Variants in SPIRE2 observed in about 807,000 individuals in gnomAD.
The protein encoded by SPIRE2 is protein spire homolog 2.
In SPIRE2, 76 loss-of-function variants were observed where a neutral mutation model predicts 80.7. The ratio of observed to expected loss-of-function variants is 0.94; its 90% CI spans 0.78 to 1.14. The LOEUF (loss-of-function observed/expected upper bound fraction) is 1.14, where lower values mean the gene tolerates loss of function less well. Among genes scored for constraint, SPIRE2 ranks in the 50% most tolerant of loss-of-function variants. The pLI, the probability that SPIRE2 is intolerant of heterozygous loss-of-function variation, is 0.00. For missense variants in SPIRE2, 1,196 were observed against 1,015.3 expected, an observed-to-expected ratio of 1.18 and a Z score of -2.42; for synonymous variants, 535 against 432.6, an observed-to-expected ratio of 1.24 and a Z score of -2.94.
chr16:89,837,944 T>C (rs1166143616), intron 1 of SPIRE2, among the ~76,000 whole-genome samples: 3 of 152,188 alleles, frequency 2.0e-5, no homozygotes, highest in African/African-American at 7.2e-5. Flanking sequence ...AAACACAGAC[T>C]CCTGGTTTCG....
At chr16:89,833,733 G>A (rs760596205) in intron 1 of SPIRE2, among the ~76,000 whole-genome samples, 25 of 152,352 alleles carry the variant, frequency 1.6e-4, no homozygotes, top group Non-Finnish European at 3.1e-4. Flanking sequence ...CTGTGCACTC[G>A]CTGGACCTGC....
chr16:89,848,842 T>C (rs1390087063), intron 2 of SPIRE2, among the ~76,000 whole-genome samples: 39 of 97,892 alleles, frequency 4.0e-4, no homozygotes, highest in South Asian at 1.1e-3. Flanking sequence ...TGCGGCTTTT[T>C]TGCAGGTCAG....
chr16:89,867,128 T>G (rs529427077), intron 12 of SPIRE2, among the ~76,000 whole-genome samples: 10 of 151,854 alleles, frequency 6.6e-5, no homozygotes, highest in Middle Eastern at 3.4e-3. Context: ...TTTTTTGTTT[T>G]TTGTTGTTGT....
intron 1 of SPIRE2, among the ~76,000 whole-genome samples, chr16:89,831,969 G>A (rs886452673): frequency 1.2e-4 from 17 of 139,174 alleles, no homozygotes; most frequent in African/African-American, 4.2e-4. Flanking sequence ...AGGCAGCACG[G>A]GGCACCGTGT....
intron 12 of SPIRE2, among the ~76,000 whole-genome samples, chr16:89,865,566 C>G (rs9939893): frequency 0.75 from 114,075 of 152,098 alleles, 44,249 homozygotes; most frequent in East Asian, 0.99. Context: ...GAGTCAAAAA[C>G]AAAACAAATA....
At chr16:89,857,575 CT>C (rs560910331) in intron 7 of SPIRE2, among the ~76,000 whole-genome samples, 246 of 144,284 alleles carry the variant, frequency 1.7e-3, no homozygotes, top group East Asian at 0.011. Context: ...TTTTCTTTTC[CT>C]TTTTTTTTTT....
intron 10 of SPIRE2, 62 bp downstream of exon 10, chr16:89,860,857 C>T (rs11641897): frequency 0.077 from 83,033 of 1,072,078 alleles, 3,900 homozygotes; most frequent in East Asian, 0.16. Flanking sequence ...CCCACCTTCC[C>T]GCCGCCAGCC....
rs1405607656 is a variant in SPIRE2 at position 89,869,415 on chromosome 16, G to A, written c.1807-152G>A. ...CAGTCTTCAGCCAAAAGGCACAGAG[G>A]AGACATCGGAGAGCACAGGGACAGA... On this transcript the variant is annotated intron_variant, in intron 13 of 14. Coordinates refer to ENST00000378247, the MANE Select transcript of SPIRE2 (RefSeq NM_032451.2). 6.6e-6 allele frequency: 4 copies of A among 610,472 alleles called. No homozygotes were observed. The African/African-American group carries it at 7.4e-5, about 11-fold the overall frequency. The allele number at this position is 610,472 out of a possible 1,614,324, so 37.8% of individuals were successfully genotyped here. A position where few individuals can be genotyped will look rare whatever the true frequency, so the allele number is the denominator to read the frequency against.
At chr16:89,865,965 CAAAAA>C (rs376787173) in intron 12 of SPIRE2, among the ~76,000 whole-genome samples, 1 of 57,516 alleles carries the variant, frequency 1.7e-5, no homozygotes, top group Non-Finnish European at 3.1e-5. Flanking sequence ...GAGACTGTCT[CAAAAA>C]AAAAAAAAAA....
At chr16:89,837,287 CGGAT>C (rs2041459575) in intron 1 of SPIRE2, among the ~76,000 whole-genome samples, 1 of 152,128 alleles carries the variant, frequency 6.6e-6, no homozygotes, top group Admixed American at 6.6e-5. Flanking sequence ...TCAGGGGACT[CGGAT>C]GGTGGTGAGG....
At chr16:89,838,030 G>A (rs2143784720) in intron 1 of SPIRE2, among the ~76,000 whole-genome samples, 1 of 151,002 alleles carries the variant, frequency 6.6e-6, no homozygotes, top group South Asian at 2.1e-4. Flanking sequence ...TTTTTTTTCT[G>A]AGACAAGTCT....
rs767386721 is a variant in SPIRE2 at position 89,856,172 on chromosome 16, C to G, written c.1038C>G (p.Ile346Met). ...AGCAAAGGTCCCTGCATGAGAAGATCCTGGAGGAGATCAAGCAGGAGCGGA... is the reference window on the plus strand; with the variant it reads ...AGCAAAGGTCCCTGCATGAGAAGATGCTGGAGGAGATCAAGCAGGAGCGGA... ...PPKQRSLHEK[I>M]LEEIKQERRL... Residue 346 changes from isoleucine to methionine, a missense_variant, in exon 7 of 15, where the codon ATC becomes ATG. Coordinates refer to ENST00000378247, the MANE Select transcript of SPIRE2 (RefSeq NM_032451.2). 4.3e-6 allele frequency: 7 copies of G among 1,609,876 alleles called. No homozygotes were observed. In the African/African-American group the frequency reaches 5.3e-5, roughly 12 times the overall value.
chr16:89,857,362 G>A (rs1018040178), intron 7 of SPIRE2, among the ~76,000 whole-genome samples: 29 of 151,500 alleles, frequency 1.9e-4, no homozygotes, highest in African/African-American at 6.6e-4. Context: ...TGTTGAACTC[G>A]TGGGCTCAAG....
intron 2 of SPIRE2, 200 bp from the exon 3 acceptor site, chr16:89,850,103 TG>T: frequency 1.4e-6 from 1 of 696,396 alleles, no homozygotes; most frequent in East Asian, 2.7e-5. Flanking sequence ...CCCAAAGTGC[TG>T]GGATTACAGG....
intron 8 of SPIRE2, 53 bp downstream of exon 8, chr16:89,858,560 C>T: frequency 6.8e-7 from 1 of 1,475,872 alleles, no homozygotes; most frequent in Non-Finnish European, 9.0e-7. Context: ...AGGATGGGGG[C>T]CAAGGAAGTG....
At chr16:89,830,831 C>G (rs2041372197) in intron 1 of SPIRE2, among the ~76,000 whole-genome samples, 1 of 150,340 alleles carries the variant, frequency 6.7e-6, no homozygotes, top group African/African-American at 2.4e-5. Flanking sequence ...TTCTCATTTC[C>G]AAGCCAAGAT....
chr16:89,833,143 C>T (rs1319684502), intron 1 of SPIRE2, among the ~76,000 whole-genome samples: 1 of 151,896 alleles, frequency 6.6e-6, no homozygotes, highest in African/African-American at 2.4e-5. Context: ...AGGCATGTGC[C>T]ACCGCACATG....
chr16:89,855,216 A>G (rs1489478484), intron 5 of SPIRE2, among the ~76,000 whole-genome samples: 2 of 152,106 alleles, frequency 1.3e-5, no homozygotes, highest in African/African-American at 2.4e-5. Flanking sequence ...AGGATTACAG[A>G]TGTGAGCCAC....
At position 89,848,730 on chromosome 16, in the gene SPIRE2, G is replaced by C. The variant is rs146032007; in HGVS notation, c.289-1574G>C. Among the ~76,000 whole-genome samples the C allele has an allele frequency of 1.8e-3, 274 of 149,380 alleles. 3 individuals are homozygous for C. The highest frequency in any genetic ancestry group is 4.1e-3 in the South Asian group (19 of 4,680). ...TGTTTCTACAGGACAGACGAGGCAGGTTCCAGGGCCTTCTGTGGTGTTTCT... is the reference window on the plus strand; with the variant it reads ...TGTTTCTACAGGACAGACGAGGCAGCTTCCAGGGCCTTCTGTGGTGTTTCT... On this transcript the variant is annotated intron_variant, in intron 2 of 14. Coordinates refer to ENST00000378247, the MANE Select transcript of SPIRE2 (RefSeq NM_032451.2).
Sources: gnomAD v4.1 joint callset for allele counts (sites outside exome capture counted in the v4.1 genomes callset) on GRCh38, gnomAD v4.1.1 for gene constraint, MANE v1.5 for transcripts, NCBI Gene and HGNC (gene_info 2026-07-23, HGNC 2026-07-21) for gene names.